Variants in PRDX2 observed in about 807,000 individuals in gnomAD.
The protein encoded by PRDX2 is peroxiredoxin 2.
Under a neutral mutation model 19.8 loss-of-function variants are expected in PRDX2, and 10 were observed. The observed-to-expected ratio is 0.50, with a 90% CI of 0.31 to 0.86. The LOEUF (loss-of-function observed/expected upper bound fraction) is 0.86. PRDX2 is among the 40% of genes least tolerant of loss of function. PRDX2 has a pLI of 0.04. For missense variants in PRDX2, 226 were observed against 260.1 expected, an observed-to-expected ratio of 0.87 and a Z score of 0.90; for synonymous variants, 118 against 108.2, an observed-to-expected ratio of 1.09 and a Z score of -0.56.
chr19:12,800,521 C>T, intron 3 of PRDX2: 1 of 797,870 alleles, frequency 1.3e-6, no homozygotes, highest in Non-Finnish European at 1.9e-6. Flanking sequence ...AGTGGCTTCA[C>T]ATGTACTTGT....
In PRDX2 at chr19:12,800,226, A is replaced by C. The variant is rs1276518858; in HGVS notation, c.331T>G (p.Leu111Val). ...TTCAGCACGCCGTAATCCTCAGACA[A>C]GCGTCTGGTCACGTCAGCAAGCAGG... is the stretch of plus-strand genomic sequence containing the variant. Reference protein sequence around the residue: ...IPLLADVTRRLSEDYGVLKTD... With the variant: ...IPLLADVTRRVSEDYGVLKTD... The change falls in exon 4 of 6, where the codon TTG (leucine) becomes GTG (valine). Residue 111 changes from leucine to valine, a missense_variant. By Grantham distance (32) the Leu-to-Val change is conservative. Transcript: ENST00000301522. The C allele has an allele frequency of 6.2e-7, 1 of 1,613,790 alleles. No homozygotes were observed. Among genetic ancestry groups the C allele is most frequent in the African/African-American group, 1.3e-5 (1 of 74,974 alleles).
chr19:12,799,208 G>GT (rs1380096134), intron 5 of PRDX2, among the ~76,000 whole-genome samples: 2 of 149,780 alleles, frequency 1.3e-5, no homozygotes, highest in African/African-American at 4.9e-5. Context: ...CTGTTTGTTT[G>GT]TTTTTTTGAG....
intron 4 of PRDX2, 30 bp from the exon 5 acceptor site, chr19:12,800,019 C>A (rs1282040869): frequency 1.4e-5 from 22 of 1,610,608 alleles, no homozygotes; most frequent in Non-Finnish European, 1.6e-5. Context: ...CAGTGAGGAG[C>A]TGATAGCTCC....
intron 5 of PRDX2, 90 bp downstream of exon 5, chr19:12,799,769 C>T: frequency 1.3e-6 from 2 of 1,524,688 alleles, no homozygotes; most frequent in Non-Finnish European, 1.8e-6. Context: ...TAACACCCAT[C>T]TGGACAGGTA....
chr19:12,799,987 C>G lies in PRDX2; in HGVS notation c.383G>C (p.Gly128Ala). Residue 128 changes from glycine to alanine, a missense_variant and splice_region_variant, in exon 5 of 6, where the codon GGC becomes GCC. Gly to Ala is a moderately conservative substitution (Grantham distance 60). Coordinates refer to ENST00000301522, the MANE Select transcript of PRDX2 (RefSeq NM_005809.6). ...ACCCTTGCCATCGATGATAAAGAGG[C>G]CCCTGAAGACATCAGGGTTCCCAGT... is the stretch of plus-strand genomic sequence containing the variant. ...LKTDEGIAYR[G>A]LFIIDGKGVL... The G allele has an allele frequency of 6.2e-7, 1 of 1,613,668 alleles. No individual in the cohort carries two copies. Among genetic ancestry groups the G allele is most frequent in the South Asian group, 1.1e-5 (1 of 91,036 alleles).
Position 12,797,175 on chromosome 19 carries a change from A to G in PRDX2, c.512-9T>C. 6.2e-7 allele frequency: 1 copy of G among 1,613,174 alleles called. No individual in the cohort carries two copies. Among genetic ancestry groups the G allele is most frequent in the African/African-American group, 1.3e-5 (1 of 75,032 alleles). The stretch of plus-strand genomic sequence containing the variant: ...CCAGCCAGCGGGACAAACTGTGGGA[A>G]GACACAAGGATGCACATGAAGGCTA... On this transcript the variant is annotated splice_polypyrimidine_tract_variant and intron_variant, in intron 5 of 5. Coordinates refer to ENST00000301522, the MANE Select transcript of PRDX2 (RefSeq NM_005809.6).
chr19:12,800,907 T>C lies in PRDX2; in HGVS notation c.257+9A>G. The C allele has an allele frequency of 6.2e-7, 1 of 1,603,534 alleles. No individual in the cohort carries two copies. Among genetic ancestry groups the C allele is most frequent in the Non-Finnish European group, 8.5e-7 (1 of 1,175,098 alleles). On this transcript the variant is annotated intron_variant, in intron 3 of 5. Coordinates refer to ENST00000301522, the MANE Select transcript of PRDX2 (RefSeq NM_005809.6). ...AGCTGCAACCTCCCTCTTTGGCCCC[T>C]GCTCATACCAAGCCAGGTGGGTGAA...
intron 3 of PRDX2, 127 bp from the exon 4 acceptor site, chr19:12,800,426 C>T (rs762397605): frequency 3.2e-6 from 4 of 1,237,976 alleles, no homozygotes; most frequent in Non-Finnish European, 4.5e-6. Context: ...CCGCTGGGAG[C>T]CTCACCCACC....
Position 12,800,254 on chromosome 19 carries a change from G to T in PRDX2, c.303C>A (p.Ile101=), listed in dbSNP as rs867129286. The change falls in exon 4 of 6, where the codon ATC becomes ATA. Residue 101 remains isoleucine (I), a synonymous_variant. Coordinates refer to ENST00000301522, the MANE Select transcript of PRDX2 (RefSeq NM_005809.6). ...GTCTGGTCACGTCAGCAAGCAGGGG[G>T]ATGTTCAGGGGGCCCAAGCCTCCCT... is the stretch of plus-strand genomic sequence containing the variant. ...RKEGGLGPLN[I]PLLADVTRRL... The T allele has an allele frequency of 1.2e-6, 2 of 1,613,700 alleles. No individual in the cohort carries two copies. The highest frequency in any genetic ancestry group is 2.2e-5 in the South Asian group (2 of 91,076).
Position 12,796,983 on chromosome 19 carries a change from C to A in PRDX2, c.*98G>T, listed in dbSNP as rs1403623437. ...TGGAGTTTGGAGGGGCAGGTCTGGC[C>A]TTTCCTGGGTCAGCATAGGGCACCC... is the stretch of plus-strand genomic sequence containing the variant. On this transcript the variant is annotated 3_prime_UTR_variant, in exon 6 of 6. Transcript: ENST00000301522. 72 of 1,283,008 alleles carry A rather than the reference C, an allele frequency of 5.6e-5. No homozygotes were observed. Among genetic ancestry groups the A allele is most frequent in the Non-Finnish European group, 7.1e-5 (64 of 903,876 alleles). 79.5% of individuals were successfully genotyped at this position (1,283,008 alleles called of 1,614,324 possible). A position where few individuals can be genotyped will look rare whatever the true frequency, so the allele number is the denominator to read the frequency against.
intron 3 of PRDX2, 71 bp from the exon 4 acceptor site, chr19:12,800,370 A>G (rs1968869640): frequency 1.3e-6 from 2 of 1,554,178 alleles, no homozygotes; most frequent in Non-Finnish European, 1.7e-6. Context: ...CTGTGGGCCC[A>G]ATGTGATAAG....
chr19:12,799,776 G>A (rs1172904051), intron 5 of PRDX2, 83 bp downstream of exon 5: 1 of 1,550,270 alleles, frequency 6.5e-7, no homozygotes, highest in East Asian at 2.3e-5. Context: ...CATCTGGACA[G>A]GTAAGAGGAC....
Position 12,801,249 on chromosome 19 carries a change from T to A in PRDX2, c.13A>T (p.Asn5Tyr), listed in dbSNP as rs190177526. Residue 5 changes from asparagine (N) to tyrosine (Y), a missense_variant, in exon 2 of 6, where the codon AAC (asparagine) becomes TAC (tyrosine). Asn to Tyr is a moderately radical substitution (Grantham distance 143). Transcript: ENST00000301522. ...GGGGCTGGCTTTCCGATGCGCGCGT[T>A]ACCGGAGGCCATGACTGAAAGCTGA... is the stretch of plus-strand genomic sequence containing the variant. MASGNARIGKPAPDF... is the reference protein window; with the variant it reads MASGYARIGKPAPDF... The A allele has an allele frequency of 3.1e-6, 5 of 1,613,256 alleles. No homozygotes were observed. Among genetic ancestry groups the A allele is most frequent in the Non-Finnish European group, 3.4e-6 (4 of 1,179,740 alleles).
rs1968858607 is a variant in PRDX2 at position 12,799,947 on chromosome 19, G to A, written c.423C>T (p.Ile141=). 2 of 1,614,096 alleles carry A rather than the reference G, an allele frequency of 1.2e-6. No homozygotes were observed. The change falls in exon 5 of 6, where the codon ATC becomes ATT. Residue 141 remains isoleucine (I), a synonymous_variant. Transcript: ENST00000301522. ...IIDGKGVLRQ[I]TVNDLPVGRS... is the part of the protein sequence containing the mutation. ...GTCCCACAGGCAAATCATTAACAGT[G>A]ATCTGGCGAAGGACACCCTTGCCAT... is the stretch of plus-strand genomic sequence containing the variant.
chr19:12,800,946 G>C lies in PRDX2; in HGVS notation c.227C>G (p.Ser76Trp). The change falls in exon 3 of 6, where the codon TCG becomes TGG. Residue 76 changes from serine to tryptophan, a missense_variant. Transcript: ENST00000301522. ...RKLGCEVLGV[S>W]VDSQFTHLAW... ...CAGGTGGGTGAACTGAGAGTCCACC[G>C]AGACGCCCAGCACTTCACAGCCCAG... The C allele has an allele frequency of 6.2e-7, 1 of 1,611,096 alleles. No homozygotes were observed. Among genetic ancestry groups the C allele is most frequent in the East Asian group, 2.2e-5 (1 of 44,848 alleles).
At chr19:12,800,376 A>G in intron 3 of PRDX2, 77 bp from the exon 4 acceptor site, 2 of 1,539,296 alleles carry the variant, frequency 1.3e-6, no homozygotes, top group Non-Finnish European at 1.8e-6. Context: ...GCCCAATGTG[A>G]TAAGCACTGG....
intron 2 of PRDX2, 45 bp from the exon 3 acceptor site, chr19:12,801,114 T>C: frequency 1.9e-6 from 3 of 1,613,786 alleles, no homozygotes; most frequent in South Asian, 2.2e-5. Flanking sequence ...GCTTCTCTCA[T>C]GCACGGCCCC....
Position 12,801,185 on chromosome 19 carries a change from T to C in PRDX2, c.77A>G (p.Lys26Arg), listed in dbSNP as rs1357022639. 1.9e-6 allele frequency: 3 copies of C among 1,613,970 alleles called. No homozygotes were observed. The highest frequency in any genetic ancestry group is 2.5e-6 in the Non-Finnish European group (3 of 1,180,000). ...KATAVVDGAFKEVKLSDYKGK... is the reference protein window; with the variant it reads ...KATAVVDGAFREVKLSDYKGK... ...TTTGTAGTCCGACAGCTTCACCTCT[T>C]TGAAGGCGCCATCAACCACCGCTGT... The change falls in exon 2 of 6, where the codon AAA becomes AGA. Residue 26 changes from lysine to arginine, a missense_variant. Coordinates refer to ENST00000301522, the MANE Select transcript of PRDX2 (RefSeq NM_005809.6).
At chr19:12,801,138 C>T in intron 2 of PRDX2, 21 bp downstream of exon 2, 2 of 1,613,922 alleles carry the variant, frequency 1.2e-6, no homozygotes, top group Non-Finnish European at 1.7e-6. Flanking sequence ...TCTACCTGGG[C>T]CCCCTCCGGG....
Sources: allele counts gnomAD v4.1 joint callset (sites outside exome capture counted in the v4.1 genomes callset), GRCh38; gene constraint gnomAD v4.1.1; transcripts MANE v1.5; gene names NCBI Gene and HGNC (gene_info 2026-07-23, HGNC 2026-07-21).